SMURF2: variants seen among roughly 807,000 people sequenced by gnomAD.
The protein encoded by SMURF2 is E3 ubiquitin-protein ligase SMURF2.
Under a neutral mutation model 109.6 loss-of-function variants are expected in SMURF2, and 48 were observed. The observed-to-expected ratio is 0.44, with a 90% CI of 0.35 to 0.56. The LOEUF is 0.56. SMURF2 is among the 20% of genes least tolerant of loss of function. The pLI, the probability that SMURF2 is intolerant of heterozygous loss-of-function variation, is 0.01. For synonymous variants in SMURF2, 288 were observed against 317.1 expected, an observed-to-expected ratio of 0.91 and a Z score of 0.97; for missense variants, 575 against 909.0, an observed-to-expected ratio of 0.63 and a Z score of 4.72.
rs1052970974 is a variant in SMURF2 at position 64,607,075 on chromosome 17, T to C, written c.53-435A>G. 7.3e-5 allele frequency among the ~76,000 whole-genome samples: 11 copies of C among 151,534 alleles called. No individual in the cohort carries two copies. The East Asian group carries it at 7.7e-4, about 11-fold the overall frequency. On this transcript the variant is annotated intron_variant, in intron 1 of 18. Coordinates refer to ENST00000262435, the MANE Select transcript of SMURF2 (RefSeq NM_022739.4). ...TGATATAGATGAGTTTTTTTTCTTT[T>C]TTTTTTTTTTTAAATAACATTCTGT... is the stretch of plus-strand genomic sequence containing the variant.
Position 64,543,793 on chromosome 17 carries a change from T to C in SMURF2, c.*2055A>G, listed in dbSNP as rs1276191065. The C allele has an allele frequency of 6.6e-6, 1 of 152,212 alleles. No homozygotes were observed. The highest frequency in any genetic ancestry group is 1.5e-5 in the Non-Finnish European group (1 of 68,038). The allele number at this position is 152,212 out of a possible 1,614,324, so 9.4% of individuals were successfully genotyped here. A position where few individuals can be genotyped will look rare whatever the true frequency, so the allele number is the denominator to read the frequency against. On this transcript the variant is annotated 3_prime_UTR_variant, in exon 19 of 19. Coordinates refer to ENST00000262435, the MANE Select transcript of SMURF2 (RefSeq NM_022739.4). ...ACAATTATAAACTGCACTAGTGCTT[T>C]AATATAAAAGAGAGATGGGTCTGCA...
At chr17:64,554,407 AGAGTGGCTATGGGGGGAGG>A (rs1969089663) in intron 15 of SMURF2, among the ~76,000 whole-genome samples, 1 of 152,144 alleles carries the variant, frequency 6.6e-6, no homozygotes, top group African/African-American at 2.4e-5. Context: ...GTTGGGAGAG[AGAGTGGCTATGGGGGGAGG>A]GAGTGGCTAT....
chr17:64,628,924 GCACC>G (rs1555691366), intron 1 of SMURF2, among the ~76,000 whole-genome samples: 2 of 152,046 alleles, frequency 1.3e-5, no homozygotes, highest in African/African-American at 4.8e-5. Context: ...CTGTTACTGA[GCACC>G]CATGTAGTAT....
intron 14 of SMURF2, among the ~76,000 whole-genome samples, chr17:64,555,247 CA>C (rs1969102137): frequency 6.6e-6 from 1 of 152,122 alleles, no homozygotes; most frequent in Non-Finnish European, 1.5e-5. Context: ...CTAGAACCAC[CA>C]ATATAGGACA....
At chr17:64,622,813 C>T (rs1568199467) in intron 1 of SMURF2, among the ~76,000 whole-genome samples, 1 of 152,146 alleles carries the variant, frequency 6.6e-6, no homozygotes, top group South Asian at 2.1e-4. Context: ...CTATACAAAA[C>T]CCACACATAA....
At position 64,580,963 on chromosome 17, in the gene SMURF2, T is replaced by G; in HGVS notation, c.598A>C (p.Arg200=). 1 of 1,614,164 alleles carries G rather than the reference T, an allele frequency of 6.2e-7. No homozygotes were observed. The highest frequency in any genetic ancestry group is 8.5e-7 in the Non-Finnish European group (1 of 1,180,018). The change falls in exon 8 of 19, where the codon AGA becomes CGA. Residue 200 remains arginine, a synonymous_variant. Coordinates refer to ENST00000262435, the MANE Select transcript of SMURF2 (RefSeq NM_022739.4). Reference sequence around the variant, plus strand: ...TCATCAACAAAGCAGCTAAGAGGTCTGCCAGGGCTAGAATATTCGGATGCC... The same window carrying G: ...TCATCAACAAAGCAGCTAAGAGGTCGGCCAGGGCTAGAATATTCGGATGCC... ...RPASEYSSPG[R]PLSCFVDENT...
intron 1 of SMURF2, among the ~76,000 whole-genome samples, chr17:64,653,803 GTTTATTC>G (rs1194897700): frequency 6.6e-6 from 1 of 152,158 alleles, no homozygotes; most frequent in Non-Finnish European, 1.5e-5. Context: ...GTACTCAAAT[GTTTATTC>G]GTAATGGCCA....
intron 6 of SMURF2, among the ~76,000 whole-genome samples, chr17:64,584,352 T>TA (rs1205527895): frequency 5.0e-5 from 7 of 140,826 alleles, no homozygotes; most frequent in African/African-American, 2.0e-4. Context: ...AGCTACTTTC[T>TA]TTTTTTTTCT....
intron 9 of SMURF2, among the ~76,000 whole-genome samples, chr17:64,577,645 G>C (rs1265969435): frequency 6.6e-6 from 1 of 150,998 alleles, no homozygotes; most frequent in African/African-American, 2.4e-5. Flanking sequence ...ATCCAGGCTG[G>C]AGTGCTGTAG....
chr17:64,577,574 T>A (rs2144632144), intron 9 of SMURF2, among the ~76,000 whole-genome samples: 2 of 137,830 alleles, frequency 1.5e-5, no homozygotes, highest in East Asian at 2.1e-4. Context: ...AATAAATAAA[T>A]AAATAAAACA....
intron 13 of SMURF2, among the ~76,000 whole-genome samples, chr17:64,556,411 TAG>T (rs1383461535): frequency 6.6e-6 from 1 of 152,060 alleles, no homozygotes; most frequent in Non-Finnish European, 1.5e-5. Context: ...CAAAACACCA[TAG>T]ATTTAAGAGC....
chr17:64,606,458 C>A, intron 2 of SMURF2, 144 bp downstream of exon 2: 2 of 671,606 alleles, frequency 3.0e-6, no homozygotes, highest in Admixed American at 3.5e-5. Flanking sequence ...AATGTGATGC[C>A]AAATGGCTCT....
intron 8 of SMURF2, 49 bp from the exon 9 acceptor site, chr17:64,578,625 T>C: frequency 7.9e-7 from 1 of 1,260,186 alleles, no homozygotes; most frequent in Non-Finnish European, 1.2e-6. Context: ...AGTGTCCAGA[T>C]CAAAGACAGT....
intron 1 of SMURF2, among the ~76,000 whole-genome samples, chr17:64,638,293 T>C (rs1224157823): frequency 6.6e-6 from 1 of 152,166 alleles, no homozygotes; most frequent in Non-Finnish European, 1.5e-5. Flanking sequence ...CTTGAACTCC[T>C]GACCTCAAGT....
chr17:64,614,553 A>C (rs1401265269), intron 1 of SMURF2, among the ~76,000 whole-genome samples: 3 of 152,182 alleles, frequency 2.0e-5, no homozygotes, highest in African/African-American at 7.2e-5. Context: ...CACTCCCAGA[A>C]CCTAGCTTGT....
intron 1 of SMURF2, among the ~76,000 whole-genome samples, chr17:64,615,770 G>A (rs1326630553): frequency 2.6e-5 from 4 of 151,896 alleles, no homozygotes; most frequent in Non-Finnish European, 5.9e-5. Context: ...CAAACAGCAA[G>A]TTGAAATATT....
intron 12 of SMURF2, among the ~76,000 whole-genome samples, chr17:64,559,615 C>A (rs1383891480): frequency 2.0e-5 from 3 of 151,138 alleles, no homozygotes; most frequent in African/African-American, 7.3e-5. Context: ...ACAAAAAAAA[C>A]TGACTACGAG....
chr17:64,635,943 T>C (rs1032544942), intron 1 of SMURF2, among the ~76,000 whole-genome samples: 3 of 152,200 alleles, frequency 2.0e-5, no homozygotes, highest in Non-Finnish European at 4.4e-5. Context: ...CCACCAACAA[T>C]GTATGAGGGT....
At chr17:64,616,125 C>T (rs950930213) in intron 1 of SMURF2, among the ~76,000 whole-genome samples, 6 of 152,026 alleles carry the variant, frequency 3.9e-5, no homozygotes, top group Admixed American at 6.6e-5. Context: ...CCACCACACC[C>T]GGCTTAGAAA....
Sources: gnomAD v4.1 joint callset for allele counts (sites outside exome capture counted in the v4.1 genomes callset) on GRCh38, gnomAD v4.1.1 for gene constraint, MANE v1.5 for transcripts, NCBI Gene and HGNC (gene_info 2026-07-23, HGNC 2026-07-21) for gene names.